The following EPB41L4B variants were observed in gnomAD, a reference collection of about 807,000 sequenced individuals.
EPB41L4B encodes band 4.1-like protein 4B.
EPB41L4B carries 30 observed loss-of-function variants against 112.5 expected under a neutral mutation model. That is an observed-to-expected ratio of 0.27 (90% CI 0.20 to 0.36). The LOEUF (loss-of-function observed/expected upper bound fraction) is 0.36. Among genes scored for constraint, EPB41L4B ranks in the 10% least tolerant of loss-of-function variants. EPB41L4B has a pLI of 1.00. For missense variants in EPB41L4B, 1,024 were observed against 1,133.3 expected, an observed-to-expected ratio of 0.90 and a Z score of 1.38; for synonymous variants, 408 against 439.7, an observed-to-expected ratio of 0.93 and a Z score of 0.90.
chr9:109,226,644 T>C (rs1833772456), intron 15 of EPB41L4B, among the ~76,000 whole-genome samples: 2 of 139,154 alleles, frequency 1.4e-5, no homozygotes, highest in Non-Finnish European at 3.1e-5. Context: ...AATATATATA[T>C]ATATGAAGAA....
intron 19 of EPB41L4B, among the ~76,000 whole-genome samples, chr9:109,201,144 C>T (rs1251903977): frequency 1.3e-5 from 2 of 152,100 alleles, no homozygotes; most frequent in East Asian, 3.9e-4. Context: ...AAGTATGTGG[C>T]CGGGGCCTAA....
At chr9:109,201,160 G>A (rs1383780334) in intron 19 of EPB41L4B, among the ~76,000 whole-genome samples, 3 of 152,178 alleles carry the variant, frequency 2.0e-5, no homozygotes, top group African/African-American at 7.2e-5. Flanking sequence ...CCTAACAAAT[G>A]CATGTTGAGG....
At chr9:109,267,613 G>T in intron 3 of EPB41L4B, 62 bp from the exon 4 acceptor site, 1 of 1,074,432 alleles carries the variant, frequency 9.3e-7, no homozygotes, top group South Asian at 1.3e-5. Flanking sequence ...ATCACAGGAT[G>T]GACAAAAGGG....
At chr9:109,263,953 T>G (rs953892568) in intron 5 of EPB41L4B, among the ~76,000 whole-genome samples, 1 of 152,048 alleles carries the variant, frequency 6.6e-6, no homozygotes, top group Non-Finnish European at 1.5e-5. Flanking sequence ...ATGCAAGGTG[T>G]TGCCATTAAT....
Position 109,320,334 on chromosome 9 carries a change from C to T in EPB41L4B, c.113G>A (p.Arg38Gln). Residue 38 changes from arginine (R) to glutamine (Q), a missense_variant, in exon 1 of 26, where the codon CGG (arginine) becomes CAG (glutamine). Transcript: ENST00000374566. ...GGAGGCGGCGGCGGCCGGGCCCCCC[C>T]GTGGCCCCCCATCGCGCTCGTCCCC... ...GLGDERDGGP[R>Q]GGPAAAASSS... 5.1e-6 allele frequency: 5 copies of T among 988,982 alleles called. No individual in the cohort carries two copies. The highest frequency in any genetic ancestry group is 6.0e-6 in the Non-Finnish European group (5 of 833,470). The allele number at this position is 988,982 out of a possible 1,614,324, so 61.3% of individuals were successfully genotyped here. A position where few individuals can be genotyped will look rare whatever the true frequency, so the allele number is the denominator to read the frequency against.
At chr9:109,287,309 T>C (rs1326900412) in intron 1 of EPB41L4B, among the ~76,000 whole-genome samples, 1 of 152,180 alleles carries the variant, frequency 6.6e-6, no homozygotes, top group African/African-American at 2.4e-5. Flanking sequence ...CCTGACCTTC[T>C]TAGGTAAGAT....
Position 109,270,564 on chromosome 9 carries a change from T to C in EPB41L4B, c.412-2131A>G, listed in dbSNP as rs10979786. On this transcript the variant is annotated intron_variant, in intron 2 of 25. Coordinates refer to ENST00000374566, the MANE Select transcript of EPB41L4B (RefSeq NM_019114.5). ...GACTTGATTTAAGCCCAATATTTAC[T>C]TTCCTACCAAGTAACATGCTAATGG... Among the ~76,000 whole-genome samples the C allele has an allele frequency of 5.9e-3, 905 of 152,360 alleles. 22 individuals are homozygous for C. In the East Asian group the frequency reaches 0.09, roughly 15 times the overall value.
intron 15 of EPB41L4B, among the ~76,000 whole-genome samples, chr9:109,220,271 T>C (rs1833526002): frequency 6.6e-6 from 1 of 152,064 alleles, no homozygotes; most frequent in Non-Finnish European, 1.5e-5. Context: ...GAACGGTGGT[T>C]GAAAGAGCAG....
At chr9:109,270,060 C>T (rs1480672681) in intron 2 of EPB41L4B, among the ~76,000 whole-genome samples, 3 of 151,448 alleles carry the variant, frequency 2.0e-5, no homozygotes, top group Admixed American at 6.7e-5. Context: ...GTATCTCAGA[C>T]GCACATGTGC....
Position 109,233,091 on chromosome 9 carries a change from A to T in EPB41L4B, c.1409+10527T>A, listed in dbSNP as rs191606539. Among the ~76,000 whole-genome samples, 9 of 152,212 alleles carry T rather than the reference A, an allele frequency of 5.9e-5. No individual in the cohort carries two copies. In the East Asian group the frequency reaches 1.7e-3, roughly 29 times the overall value. On this transcript the variant is annotated intron_variant, in intron 15 of 25. Transcript: ENST00000374566. ...TAAACCATTCACCATTCAGTAGGGG[A>T]CGATTAGGAGGTTTCTGTGGGTTTC...
chr9:109,192,532 A>G (rs776999577), intron 21 of EPB41L4B, among the ~76,000 whole-genome samples, 177 bp from the exon 22 acceptor site: 4 of 152,006 alleles, frequency 2.6e-5, no homozygotes, highest in African/African-American at 9.7e-5. Context: ...TTGAACCCCA[A>G]TTTTTTCATA....
chr9:109,281,975 G>A (rs1836080305), intron 1 of EPB41L4B, among the ~76,000 whole-genome samples: 1 of 152,050 alleles, frequency 6.6e-6, no homozygotes, highest in East Asian at 1.9e-4. Flanking sequence ...AATATTCAAA[G>A]GTAGAAACAA....
intron 17 of EPB41L4B, among the ~76,000 whole-genome samples, chr9:109,212,498 T>C (rs1442897039): frequency 6.6e-6 from 1 of 152,192 alleles, no homozygotes; most frequent in Admixed American, 6.5e-5. Context: ...CAGGGCTTTT[T>C]GAAGGTTAAA....
intron 1 of EPB41L4B, among the ~76,000 whole-genome samples, chr9:109,303,146 C>T (rs1271863901): frequency 6.6e-6 from 1 of 150,744 alleles, no homozygotes; most frequent in Non-Finnish European, 1.5e-5. Context: ...ATAGTATGAT[C>T]CCATTTTTGT....
rs1430587791 is a variant in EPB41L4B, at chr9:109,320,572, G to A, written c.-126C>T. 2.5e-6 allele frequency: 1 copy of A among 392,524 alleles called. No homozygotes were observed. Among genetic ancestry groups the A allele is most frequent in the Non-Finnish European group, 3.4e-6 (1 of 292,130 alleles). The allele number at this position is 392,524 out of a possible 1,614,324, so 24.3% of individuals were successfully genotyped here. A position where few individuals can be genotyped will look rare whatever the true frequency, so the allele number is the denominator to read the frequency against. On this transcript the variant is annotated 5_prime_UTR_variant, in exon 1 of 26. Coordinates refer to ENST00000374566, the MANE Select transcript of EPB41L4B (RefSeq NM_019114.5). ...CCCTCGGCCGCCCGCGCCGCCTCTC[G>A]CGGGCTACGGCCCGGGGCAAGCCCG...
chr9:109,267,665 A>G, intron 3 of EPB41L4B, 114 bp from the exon 4 acceptor site: 1 of 688,280 alleles, frequency 1.5e-6, no homozygotes, highest in Non-Finnish European at 2.5e-6. Flanking sequence ...ACATCAGGAC[A>G]GCATAACTGG....
chr9:109,214,332 CATTAAATATTCATTAAAT>C (rs1452619816), intron 16 of EPB41L4B, among the ~76,000 whole-genome samples: 4 of 152,138 alleles, frequency 2.6e-5, no homozygotes, highest in African/African-American at 7.2e-5. Context: ...CTCATTAATA[CATTAAATATTCATTAAAT>C]ATTAAATATT....
At position 109,217,033 on chromosome 9, in the gene EPB41L4B, G is replaced by A; in HGVS notation, c.1522C>T (p.His508Tyr). The A allele has an allele frequency of 6.2e-7, 1 of 1,614,234 alleles. No individual in the cohort carries two copies. The highest frequency in any genetic ancestry group is 8.5e-7 in the Non-Finnish European group (1 of 1,180,048). Residue 508 changes from histidine (H) to tyrosine (Y), a missense_variant, in exon 16 of 26, where the codon CAC becomes TAC. Coordinates refer to ENST00000374566, the MANE Select transcript of EPB41L4B (RefSeq NM_019114.5). ...TGCTGGTGCTGATGCTGATGCTGGT[G>A]CTGGTGGTGATGCCTTCCTGAAGCT... ...TAASGRHHHQ[H>Y]QHQHQHQHHS...
intron 24 of EPB41L4B, among the ~76,000 whole-genome samples, chr9:109,181,373 G>C (rs531446400): frequency 6.6e-6 from 1 of 152,290 alleles, no homozygotes; most frequent in Admixed American, 6.5e-5. Flanking sequence ...CAGGGTGACT[G>C]GTTCTTGTTC....
Sources: gnomAD v4.1 joint callset for allele counts (sites outside exome capture counted in the v4.1 genomes callset) on GRCh38, gnomAD v4.1.1 for gene constraint, MANE v1.5 for transcripts, NCBI Gene and HGNC (gene_info 2026-07-23, HGNC 2026-07-21) for gene names.